NCOA3: variants seen among roughly 807,000 people sequenced by gnomAD.
The protein encoded by NCOA3 is CBP-interacting protein.
NCOA3 carries 51 observed loss-of-function variants against 158.8 expected under a neutral mutation model. The ratio of observed to expected loss-of-function variants is 0.32; its 90% CI spans 0.26 to 0.41. NCOA3 has a LOEUF of 0.41. Ranked by LOEUF, NCOA3 falls within the 10% of genes least tolerant of loss-of-function variation. The probability of loss-of-function intolerance (pLI) is 1.00; values close to 1 mark genes in which losing one functional copy is unlikely to be tolerated. For missense variants in NCOA3, 1,510 were observed against 1,746.6 expected, an observed-to-expected ratio of 0.86 and a Z score of 2.41; for synonymous variants, 537 against 592.4, an observed-to-expected ratio of 0.91 and a Z score of 1.36.
intron 1 of NCOA3, among the ~76,000 whole-genome samples, chr20:47,528,562 A>G (rs2084494213): frequency 6.6e-6 from 1 of 152,122 alleles, no homozygotes; most frequent in Non-Finnish European, 1.5e-5. Flanking sequence ...TATACAATAT[A>G]TTACTTTTGC....
intron 1 of NCOA3, among the ~76,000 whole-genome samples, chr20:47,540,075 A>T (rs938821991): frequency 6.6e-6 from 1 of 152,164 alleles, no homozygotes; most frequent in African/African-American, 2.4e-5. Flanking sequence ...TCTCCAGTAG[A>T]GGATCCAGAT....
chr20:47,600,501 T>C (rs1025641706), intron 2 of NCOA3, among the ~76,000 whole-genome samples: 2 of 142,482 alleles, frequency 1.4e-5, no homozygotes, highest in African/African-American at 5.0e-5. Context: ...AAAGCTTAAA[T>C]GTGTTTTTTT....
intron 2 of NCOA3, among the ~76,000 whole-genome samples, chr20:47,609,803 A>G (rs1266970108): frequency 1.3e-5 from 2 of 151,772 alleles, no homozygotes; most frequent in Admixed American, 1.3e-4. Flanking sequence ...GCTATGTTGT[A>G]TTTTATTTTT....
At chr20:47,633,854 G>T (rs1335208410) in intron 9 of NCOA3, among the ~76,000 whole-genome samples, 194 bp from the exon 10 acceptor site, 1 of 152,090 alleles carries the variant, frequency 6.6e-6, no homozygotes, top group Non-Finnish European at 1.5e-5. Flanking sequence ...GACTGTAGTT[G>T]CTCTCTTGTT....
intron 2 of NCOA3, among the ~76,000 whole-genome samples, chr20:47,596,376 A>G (rs541823323): frequency 7.1e-4 from 108 of 152,240 alleles, no homozygotes; most frequent in African/African-American, 2.6e-3. Context: ...ATTCTTTTGC[A>G]TGGCTTCATT....
At chr20:47,643,644 C>T (rs1049567593) in intron 17 of NCOA3, among the ~76,000 whole-genome samples, 4 of 152,216 alleles carry the variant, frequency 2.6e-5, no homozygotes, top group South Asian at 4.1e-4. Flanking sequence ...AATCTCAAAT[C>T]GCTTTCTGTC....
At chr20:47,564,547 T>C (rs1005217365) in intron 1 of NCOA3, among the ~76,000 whole-genome samples, 1 of 48,454 alleles carries the variant, frequency 2.1e-5, no homozygotes, top group Non-Finnish European at 3.7e-5. Flanking sequence ...ATTTCTCCTC[T>C]TTTTTTTTTT....
chr20:47,598,311 A>G (rs1382899452), intron 2 of NCOA3, among the ~76,000 whole-genome samples: 1 of 150,940 alleles, frequency 6.6e-6, no homozygotes, highest in African/African-American at 2.4e-5. Flanking sequence ...TGGAAGCATC[A>G]TTTACATGTA....
chr20:47,554,560 A>G (rs571483861), intron 1 of NCOA3, among the ~76,000 whole-genome samples: 2 of 122,128 alleles, frequency 1.6e-5, no homozygotes, highest in African/African-American at 7.5e-5. Context: ...TTATACACCA[A>G]TAACAGACAA....
intron 1 of NCOA3, among the ~76,000 whole-genome samples, chr20:47,502,229 G>A (rs1164245787): frequency 6.6e-6 from 1 of 152,312 alleles, no homozygotes; most frequent in African/African-American, 2.4e-5. Context: ...GCCCGCGGCG[G>A]TAGGAGCTGA....
chr20:47,522,906 A>G (rs2084367682), intron 1 of NCOA3, among the ~76,000 whole-genome samples: 1 of 151,156 alleles, frequency 6.6e-6, no homozygotes, highest in Non-Finnish European at 1.5e-5. Context: ...AAAAAAAAAA[A>G]CGAGCCCGGC....
intron 16 of NCOA3, among the ~76,000 whole-genome samples, chr20:47,641,109 ACTCAAT>A (rs2086598804): frequency 1.3e-5 from 2 of 151,696 alleles, no homozygotes; most frequent in Non-Finnish European, 2.9e-5. Context: ...ATGCTTCTCT[ACTCAAT>A]AGAGAGCAAA....
In NCOA3 at chr20:47,562,914, T is replaced by C. The variant is rs575216145; in HGVS notation, c.-98-20269T>C. Among the ~76,000 whole-genome samples the C allele has an allele frequency of 3.9e-5, 6 of 152,350 alleles. No homozygotes were observed. The East Asian group carries it at 1.2e-3, about 29-fold the overall frequency. ...AGGCTACTTTTATGATTATTAAAAG[T>C]AATTTTTTAAAAATAATGATGAGGT... is the stretch of plus-strand genomic sequence containing the variant. On this transcript the variant is annotated intron_variant, in intron 1 of 22. Coordinates refer to ENST00000371998, the MANE Select transcript of NCOA3 (RefSeq NM_181659.3).
chr20:47,625,562 T>G, intron 5 of NCOA3, 81 bp downstream of exon 5: 4 of 1,041,052 alleles, frequency 3.8e-6, no homozygotes, highest in Non-Finnish European at 5.8e-6. Flanking sequence ...CGATGAAATT[T>G]TGGTTAGGAA....
At chr20:47,570,939 T>TACACACAC (rs71183265) in intron 1 of NCOA3, among the ~76,000 whole-genome samples, 87 of 114,960 alleles carry the variant, frequency 7.6e-4, no homozygotes, top group African/African-American at 2.7e-3. Flanking sequence ...GTAATATATA[T>TACACACAC]ACACACACAC....
chr20:47,549,138 A>C (rs1488232940), intron 1 of NCOA3, among the ~76,000 whole-genome samples: 1 of 152,054 alleles, frequency 6.6e-6, no homozygotes, highest in Non-Finnish European at 1.5e-5. Flanking sequence ...TCAGCCTCCA[A>C]AAGTGTTAGA....
chr20:47,656,494 C>T lies in NCOA3; in HGVS notation c.*3077C>T, dbSNP rs1170847995. ...AGTTACATGTATGCCTGCCCAGTTCCCTTTTTATTTGCAGAAGCTGTGAGT... is the reference window on the plus strand; with the variant it reads ...AGTTACATGTATGCCTGCCCAGTTCTCTTTTTATTTGCAGAAGCTGTGAGT... On this transcript the variant is annotated 3_prime_UTR_variant, in exon 23 of 23. Coordinates refer to ENST00000371998, the MANE Select transcript of NCOA3 (RefSeq NM_181659.3). 6.6e-6 allele frequency: 1 copy of T among 152,328 alleles called. No individual in the cohort carries two copies. Among genetic ancestry groups the T allele is most frequent in the Non-Finnish European group, 1.5e-5 (1 of 68,034 alleles). The allele number at this position is 152,328 out of a possible 1,614,324, so 9.4% of individuals were successfully genotyped here.
chr20:47,608,440 C>CATAG (rs2085985206), intron 2 of NCOA3, among the ~76,000 whole-genome samples: 1 of 151,730 alleles, frequency 6.6e-6, no homozygotes, highest in Admixed American at 6.6e-5. Flanking sequence ...GAGTTGGAGA[C>CATAG]CAGCCTGGGA....
chr20:47,622,215 T>A lies in NCOA3; in HGVS notation c.-19-14T>A, dbSNP rs551702947. On this transcript the variant is annotated splice_polypyrimidine_tract_variant and intron_variant, in intron 2 of 22. Coordinates refer to ENST00000371998, the MANE Select transcript of NCOA3 (RefSeq NM_181659.3). Reference sequence around the variant, plus strand: ...TTTAATGTACTTATCTTATTTCTCATTATTCTCTCTTAGTTGCTGATGTAT... The same window carrying A: ...TTTAATGTACTTATCTTATTTCTCAATATTCTCTCTTAGTTGCTGATGTAT... 1 of 1,355,896 alleles carries A rather than the reference T, an allele frequency of 7.4e-7. No individual in the cohort carries two copies. The highest frequency in any genetic ancestry group is 2.3e-5 in the East Asian group (1 of 42,816). The allele number at this position is 1,355,896 out of a possible 1,614,324, so 84.0% of individuals were successfully genotyped here.
Sources: allele counts gnomAD v4.1 joint callset (sites outside exome capture counted in the v4.1 genomes callset), GRCh38; gene constraint gnomAD v4.1.1; transcripts MANE v1.5; gene names NCBI Gene and HGNC (gene_info 2026-07-23, HGNC 2026-07-21).